COX7B2: variants seen among roughly 807,000 people sequenced by gnomAD.
COX7B2 encodes cytochrome c oxidase subunit 7B2.
For synonymous variants in COX7B2, 37 were observed against 32.1 expected (o/e 1.15, Z -0.51); for missense variants, 109 against 95.9 (o/e 1.14, Z -0.57).
chr4:46,764,552 A>AAAAAG (rs765606265), intron 2 of COX7B2, among the ~76,000 whole-genome samples: 19 of 151,058 alleles, frequency 1.3e-4, no homozygotes, highest in East Asian at 7.9e-4. Flanking sequence ...CAAAAATGAA[A>AAAAAG]AAAAGAAAAG....
chr4:46,868,624 T>G (rs1193061177), intron 1 of COX7B2, among the ~76,000 whole-genome samples: 1 of 152,166 alleles, frequency 6.6e-6, no homozygotes, highest in East Asian at 1.9e-4. Context: ...ATTTCAATAT[T>G]TATCTAAAAA....
intron 2 of COX7B2, among the ~76,000 whole-genome samples, chr4:46,754,197 G>A (rs1577664674): frequency 1.3e-5 from 2 of 152,106 alleles, no homozygotes; most frequent in Admixed American, 1.3e-4. Flanking sequence ...ATTTGACCCA[G>A]CCATCCCATT....
At chr4:46,876,541 A>C (rs1167464953) in intron 1 of COX7B2, 1 of 151,606 alleles carries the variant, frequency 6.6e-6, no homozygotes, top group East Asian at 1.9e-4. Context: ...CATAGCAGGG[A>C]CTACAGGAGC....
intron 1 of COX7B2, among the ~76,000 whole-genome samples, chr4:46,864,665 TTTG>T (rs1263935461): frequency 1.3e-5 from 2 of 151,714 alleles, no homozygotes; most frequent in Non-Finnish European, 2.9e-5. Context: ...TGTTTGTTTG[TTTG>T]TTTAGACGGA....
intron 2 of COX7B2, among the ~76,000 whole-genome samples, chr4:46,820,485 G>A (rs768514294): frequency 1.1e-4 from 17 of 152,088 alleles, no homozygotes; most frequent in Admixed American, 2.6e-4. Context: ...CATGGCCTGC[G>A]GGTTGGGGAT....
At chr4:46,875,738 C>G (rs1383740211) in intron 1 of COX7B2, among the ~76,000 whole-genome samples, 3 of 151,702 alleles carry the variant, frequency 2.0e-5, no homozygotes, top group African/African-American at 7.3e-5. Context: ...CCTTTTCATC[C>G]CCCGTAGCCC....
Position 46,735,178 on chromosome 4 carries a change from C to A in COX7B2, c.15G>T (p.Leu5Phe), listed in dbSNP as rs1309293082. 6.2e-7 allele frequency: 1 copy of A among 1,613,084 alleles called. No individual in the cohort carries two copies. Among genetic ancestry groups the A allele is most frequent in the Admixed American group, 1.7e-5 (1 of 59,656 alleles). The change falls in exon 3 of 3, where the codon TTG becomes TTT. Residue 5 changes from leucine to phenylalanine, a missense_variant. Leu to Phe is a conservative substitution (Grantham distance 22, BLOSUM62 0). Transcript: ENST00000355591. ...TGAGACTGCTTAGTGCATTTCTGGC[C>A]AAGGGAAACATCATGAAGGATTGCA... MMFP[L>F]ARNALSSLKI...
chr4:46,853,151 G>C (rs1716797639), intron 1 of COX7B2, among the ~76,000 whole-genome samples: 1 of 152,134 alleles, frequency 6.6e-6, no homozygotes, highest in Non-Finnish European at 1.5e-5. Flanking sequence ...ACCTAACTCT[G>C]TATTTCCTTA....
At chr4:46,797,630 G>A (rs1718433102) in intron 2 of COX7B2, among the ~76,000 whole-genome samples, 1 of 152,154 alleles carries the variant, frequency 6.6e-6, no homozygotes, top group Non-Finnish European at 1.5e-5. Context: ...GGGCTGCAGA[G>A]ATTAGTGTCA....
intron 1 of COX7B2, among the ~76,000 whole-genome samples, chr4:46,879,374 G>A (rs1718560637): frequency 6.6e-6 from 1 of 151,734 alleles, no homozygotes; most frequent in Admixed American, 6.6e-5. Context: ...TTGGAGTGCA[G>A]CAGTGTGATC....
intron 2 of COX7B2, among the ~76,000 whole-genome samples, chr4:46,778,135 G>A (rs1328937242): frequency 6.6e-6 from 1 of 152,116 alleles, no homozygotes; most frequent in African/African-American, 2.4e-5. Flanking sequence ...GAGTCTGAAG[G>A]TGGGGAGGGA....
chr4:46,736,192 G>C (rs1714354825), intron 2 of COX7B2, among the ~76,000 whole-genome samples: 1 of 152,070 alleles, frequency 6.6e-6, no homozygotes, highest in Non-Finnish European at 1.5e-5. Flanking sequence ...AAACACCAAA[G>C]GTTTGGTCTC....
chr4:46,814,150 T>A (rs1719430052), intron 2 of COX7B2, among the ~76,000 whole-genome samples: 1 of 152,146 alleles, frequency 6.6e-6, no homozygotes, highest in African/African-American at 2.4e-5. Flanking sequence ...GATTCAGCAA[T>A]CATATTACTG....
intron 1 of COX7B2, among the ~76,000 whole-genome samples, chr4:46,900,501 G>A (rs189378132): frequency 1.3e-5 from 2 of 152,264 alleles, no homozygotes; most frequent in East Asian, 3.9e-4. Flanking sequence ...TGGCAGGGGA[G>A]GAGGGGGGTC....
intron 2 of COX7B2, among the ~76,000 whole-genome samples, chr4:46,761,329 C>T (rs942514054): frequency 6.6e-6 from 1 of 152,102 alleles, no homozygotes; most frequent in African/African-American, 2.4e-5. Context: ...TGGTTTCCTG[C>T]TTTTTTCATG....
At chr4:46,835,343 T>C (rs761521919) in intron 2 of COX7B2, among the ~76,000 whole-genome samples, 5 of 152,054 alleles carry the variant, frequency 3.3e-5, no homozygotes, top group Non-Finnish European at 7.4e-5. Context: ...AATGTTTCTC[T>C]AGTGCGTAAA....
intron 2 of COX7B2, among the ~76,000 whole-genome samples, chr4:46,778,112 TC>T (rs1001404660): frequency 2.0e-5 from 3 of 152,132 alleles, no homozygotes; most frequent in African/African-American, 7.2e-5. Flanking sequence ...AGAGCATTTT[TC>T]TTAACTGGCA....
chr4:46,907,512 G>A (rs868178881), intron 1 of COX7B2, among the ~76,000 whole-genome samples: 5 of 152,086 alleles, frequency 3.3e-5, no homozygotes, highest in South Asian at 2.1e-4. Flanking sequence ...GTATTGAATG[G>A]TTTCTCATCC....
chr4:46,803,328 T>C (rs1469530118), intron 2 of COX7B2, among the ~76,000 whole-genome samples: 2 of 152,248 alleles, frequency 1.3e-5, no homozygotes, highest in East Asian at 1.9e-4. Context: ...AAAACAAAGT[T>C]ATGTTGCCCT....
Sources: gnomAD v4.1 joint callset for allele counts (sites outside exome capture counted in the v4.1 genomes callset) on GRCh38, gnomAD v4.1.1 for gene constraint, MANE v1.5 for transcripts, NCBI Gene and HGNC (gene_info 2026-07-23, HGNC 2026-07-21) for gene names.